Variants in CACNA2D1 observed in about 807,000 individuals in gnomAD.
The protein encoded by CACNA2D1 is calcium voltage-gated channel auxiliary subunit alpha2delta 1.
In CACNA2D1, 53 loss-of-function variants were observed where a neutral mutation model predicts 171.5. The observed-to-expected ratio is 0.31, with a 90% confidence interval of 0.25 to 0.39. The LOEUF is 0.39. Ranked by LOEUF, CACNA2D1 falls within the 10% of genes least tolerant of loss-of-function variation. The probability of loss-of-function intolerance (pLI) is 1.00; values close to 1 mark genes in which losing one functional copy is unlikely to be tolerated. For missense variants in CACNA2D1, 903 were observed against 1,299.8 expected (o/e 0.69, Z 4.69); for synonymous variants, 442 against 443.1 (o/e 1.00, Z 0.03).
At chr7:82,026,638 T>C (rs1038767867) in intron 12 of CACNA2D1, among the ~76,000 whole-genome samples, 4 of 151,738 alleles carry the variant, frequency 2.6e-5, no homozygotes, top group African/African-American at 9.7e-5. Context: ...TAAACAATTA[T>C]CTTTGTTATT....
At chr7:81,981,433 C>T (rs1796437377) in intron 24 of CACNA2D1, among the ~76,000 whole-genome samples, 1 of 152,104 alleles carries the variant, frequency 6.6e-6, no homozygotes, top group East Asian at 1.9e-4. Context: ...CAAGAATAGG[C>T]TTTGTTAACA....
At chr7:82,007,063 AAAT>A (rs143059107) in intron 16 of CACNA2D1, among the ~76,000 whole-genome samples, 3,415 of 152,262 alleles carry the variant, frequency 0.022, 121 homozygotes, top group African/African-American at 0.074. Context: ...AGCATTTAAC[AAAT>A]AATAAGTACA....
intron 15 of CACNA2D1, among the ~76,000 whole-genome samples, chr7:82,009,571 G>A (rs966139277): frequency 6.6e-6 from 1 of 152,020 alleles, no homozygotes; most frequent in Non-Finnish European, 1.5e-5. Flanking sequence ...TGCTACCATG[G>A]TTTAAGACAA....
chr7:82,033,238 C>T (rs967978575), intron 11 of CACNA2D1, among the ~76,000 whole-genome samples: 4 of 151,964 alleles, frequency 2.6e-5, no homozygotes, highest in East Asian at 1.9e-4. Context: ...CTTTTATATA[C>T]ATATTTTATT....
intron 1 of CACNA2D1, among the ~76,000 whole-genome samples, chr7:82,366,302 T>C (rs993459855): frequency 6.6e-6 from 1 of 152,192 alleles, no homozygotes; most frequent in Admixed American, 6.5e-5. Context: ...GAATTCAGTC[T>C]AGGGTACAAA....
intron 3 of CACNA2D1, among the ~76,000 whole-genome samples, chr7:82,272,535 T>C (rs1174504476): frequency 1.3e-5 from 2 of 152,166 alleles, no homozygotes; most frequent in African/African-American, 4.8e-5. Context: ...TGTACTTTCT[T>C]GAATTGCTCA....
intron 3 of CACNA2D1, among the ~76,000 whole-genome samples, chr7:82,294,559 C>A (rs1284549488): frequency 6.6e-6 from 1 of 151,956 alleles, no homozygotes; most frequent in Non-Finnish European, 1.5e-5. Flanking sequence ...AGCAGATTGA[C>A]TAATGGTTAA....
chr7:82,238,404 T>A (rs1022221982), intron 3 of CACNA2D1, among the ~76,000 whole-genome samples: 2 of 151,954 alleles, frequency 1.3e-5, no homozygotes, highest in African/African-American at 4.8e-5. Context: ...AATGGTCCTA[T>A]TAAAAAGTGA....
chr7:82,299,252 G>GT lies in CACNA2D1; in HGVS notation c.294+35882dup, dbSNP rs1370660591. On this transcript the variant is annotated intron_variant, in intron 3 of 38. Transcript: ENST00000356860. ...TAGGTTTTTTTGTTTGTTTTGGGGG[G>GT]TTTTAGGGAGAAAGTAGGTTAAAGT... Among the ~76,000 whole-genome samples the GT allele has an allele frequency of 2.6e-5, 4 of 152,158 alleles. No homozygotes were observed. In the East Asian group the frequency reaches 7.7e-4, roughly 29 times the overall value.
intron 15 of CACNA2D1, among the ~76,000 whole-genome samples, chr7:82,009,685 T>G (rs1799536403): frequency 6.6e-6 from 1 of 152,118 alleles, no homozygotes. Context: ...AGTGAGTTAC[T>G]AGATTACTAA....
At chr7:82,172,269 T>A (rs1796093057) in intron 3 of CACNA2D1, among the ~76,000 whole-genome samples, 1 of 152,080 alleles carries the variant, frequency 6.6e-6, no homozygotes, top group Non-Finnish European at 1.5e-5. Flanking sequence ...AAGACAAGCA[T>A]ATACATTTCA....
intron 6 of CACNA2D1, among the ~76,000 whole-genome samples, chr7:82,090,891 CATATAAATAAGGTAGTCATTT>C (rs1289963966): frequency 6.6e-6 from 1 of 152,056 alleles, no homozygotes; most frequent in Non-Finnish European, 1.5e-5. Flanking sequence ...CATTTCACAA[CATATAAATAAGGTAGTCATTT>C]ATATGTTGAC....
intron 19 of CACNA2D1, among the ~76,000 whole-genome samples, chr7:81,995,578 T>C (rs937854607): frequency 2.0e-5 from 3 of 151,934 alleles, no homozygotes; most frequent in Admixed American, 1.3e-4. Flanking sequence ...GCGGACAAAT[T>C]GCCTGAGGTT....
chr7:82,436,702 C>T (rs1269739085), intron 1 of CACNA2D1, among the ~76,000 whole-genome samples: 1 of 152,090 alleles, frequency 6.6e-6, no homozygotes, highest in Non-Finnish European at 1.5e-5. Context: ...TTCTCTCTGC[C>T]CCACTTACAC....
chr7:82,076,108 T>C (rs151255512), intron 7 of CACNA2D1, among the ~76,000 whole-genome samples: 3 of 152,236 alleles, frequency 2.0e-5, no homozygotes, highest in East Asian at 1.9e-4. Context: ...GGTGAACAAT[T>C]ATTACGACCA....
intron 7 of CACNA2D1, among the ~76,000 whole-genome samples, chr7:82,066,798 A>G (rs1046513834): frequency 1.8e-4 from 27 of 152,072 alleles, no homozygotes; most frequent in Non-Finnish European, 1.0e-4. Context: ...TGCTAACTTA[A>G]TATGTTTTAG....
intron 20 of CACNA2D1, among the ~76,000 whole-genome samples, chr7:81,992,394 C>G (rs1204894862): frequency 1.3e-5 from 2 of 151,990 alleles, no homozygotes; most frequent in Non-Finnish European, 2.9e-5. Flanking sequence ...ATGTTTGTGA[C>G]AACTACACAA....
intron 1 of CACNA2D1, among the ~76,000 whole-genome samples, chr7:82,419,803 T>C (rs1428962455): frequency 1.3e-5 from 2 of 152,172 alleles, no homozygotes; most frequent in East Asian, 1.9e-4. Flanking sequence ...ATGGGTCAAT[T>C]TACTATGCAG....
At chr7:82,413,829 T>C (rs183290575) in intron 1 of CACNA2D1, among the ~76,000 whole-genome samples, 7 of 152,258 alleles carry the variant, frequency 4.6e-5, no homozygotes, top group African/African-American at 1.7e-4. Flanking sequence ...TTGATTAATA[T>C]ATACACACAT....
Sources: allele counts gnomAD v4.1 joint callset (sites outside exome capture counted in the v4.1 genomes callset), GRCh38; gene constraint gnomAD v4.1.1; transcripts MANE v1.5; gene names NCBI Gene and HGNC (gene_info 2026-07-23, HGNC 2026-07-21).